The following DST variants were observed in gnomAD, a reference collection of about 807,000 sequenced individuals.
DST encodes bullous pemphigoid antigen.
In DST, 253 loss-of-function variants were observed where a neutral mutation model predicts 875.2. The observed-to-expected ratio is 0.29, with a 90% CI of 0.26 to 0.32. The LOEUF (loss-of-function observed/expected upper bound fraction) is 0.32. DST is among the 10% of genes least tolerant of loss of function. The probability of loss-of-function intolerance (pLI) is 1.00; values close to 1 mark genes in which losing one functional copy is unlikely to be tolerated. For synonymous variants in DST, 3,124 were observed against 3,197.1 expected (o/e 0.98, Z 0.77); for missense variants, 8,287 against 9,111.6 (o/e 0.91, Z 3.68).
At chr6:56,921,756 G>A (rs970544921) in intron 2 of DST, among the ~76,000 whole-genome samples, 1 of 151,130 alleles carries the variant, frequency 6.6e-6, no homozygotes, top group Non-Finnish European at 1.5e-5. Context: ...TTCACTGGTG[G>A]GGGTGCAATC....
chr6:56,670,897 C>G (rs778259217), intron 9 of DST, 90 bp from the exon 10 acceptor site: 14 of 742,318 alleles, frequency 1.9e-5, no homozygotes, highest in Non-Finnish European at 2.2e-5. Flanking sequence ...TTTCCAAAAT[C>G]TAAGATTAGG....
chr6:56,619,938 G>A lies in DST; in HGVS notation c.4929+4592C>T, dbSNP rs770035646. On this transcript the variant is annotated intron_variant, in intron 36 of 103. Transcript: ENST00000680361. ...GCAGCTGTTAGTTCATCTACCTGCT[G>A]TTTGAGTTCTTCTGCTTTCTGCTTG... The A allele has an allele frequency of 3.7e-6, 6 of 1,614,102 alleles. No individual in the cohort carries two copies. The South Asian group carries it at 4.4e-5, about 12-fold the overall frequency.
At chr6:56,674,131 G>C (rs1329982100) in intron 9 of DST, among the ~76,000 whole-genome samples, 4 of 152,088 alleles carry the variant, frequency 2.6e-5, no homozygotes, top group Non-Finnish European at 5.9e-5. Flanking sequence ...TTCACATTCA[G>C]GTCAGATTCT....
chr6:56,515,546 A>G lies in DST; in HGVS notation c.18480T>C (p.Leu6160=), dbSNP rs2096571100. 1 of 1,613,882 alleles carries G rather than the reference A, an allele frequency of 6.2e-7. No individual in the cohort carries two copies. The highest frequency in any genetic ancestry group is 1.1e-5 in the South Asian group (1 of 91,070). Reference sequence around the variant, plus strand: ...ATTGTGTTTCTGTCAGCCATGGCCAAAGTTCTTCATATGTTTCCCAGAATT... The same window carrying G: ...ATTGTGTTTCTGTCAGCCATGGCCAGAGTTCTTCATATGTTTCCCAGAATT... The part of the protein sequence containing the change: ...VNQFWETYEE[L]WPWLTETQSI... The change falls in exon 72 of 104, where the codon CTT becomes CTC. Residue 6160 remains leucine, a synonymous_variant. Coordinates refer to ENST00000680361, the MANE Select transcript of DST (RefSeq NM_001374736.1).
intron 87 of DST, among the ~76,000 whole-genome samples, chr6:56,486,362 CAAAAAAAAA>C (rs61164880): frequency 2.9e-5 from 1 of 34,042 alleles, no homozygotes; most frequent in Admixed American, 3.9e-4. Context: ...GACTCCGTCT[CAAAAAAAAA>C]AAAAAAAAAA....
At chr6:56,873,819 A>G (rs1778448707) in intron 3 of DST, among the ~76,000 whole-genome samples, 1 of 152,208 alleles carries the variant, frequency 6.6e-6, no homozygotes, top group Non-Finnish European at 1.5e-5. Flanking sequence ...GCTGTGGTTA[A>G]TACTTTATTG....
In DST at chr6:56,604,185, C is replaced by T. The variant is rs45498096; in HGVS notation, c.10443G>A (p.Thr3481=). The T allele has an allele frequency of 5.5e-3, 8,741 of 1,601,296 alleles. 31 individuals carry two copies. Among genetic ancestry groups the T allele is most frequent in the Non-Finnish European group, 7.0e-3 (8,231 of 1,172,790 alleles). Residue 3481 remains threonine, a synonymous_variant, in exon 40 of 104, where the codon ACG becomes ACA. Coordinates refer to ENST00000680361, the MANE Select transcript of DST (RefSeq NM_001374736.1). ...CAAGCTGCAGTGGAAGTACTTTAGA[C>T]GTAATGCCTCTTTTCTCTAGGTCAT... ...MEYDLEKRGI[T]SKVLPLQLEN...
In DST at chr6:56,553,576, C is replaced by A; in HGVS notation, c.15216G>T (p.Trp5072Cys). ...FQQMSRDFQA[W>C]LDTKKEEQNK... The stretch of plus-strand genomic sequence containing the variant: ...TTTGCTCTTCTTTCTTTGTATCCAG[C>A]CAAGCCTGAAAATCTCTAGACATTT... Residue 5072 changes from tryptophan (W) to cysteine (C), a missense_variant, in exon 61 of 104, where the codon TGG becomes TGT. Trp to Cys is a radical substitution (Grantham distance 215, BLOSUM62 -2). This residue lies in a region of DST where 1,513 missense variants were observed against 1,677.8 expected (regional missense o/e 0.90). Transcript: ENST00000680361. 1 of 1,613,812 alleles carries A rather than the reference C, an allele frequency of 6.2e-7. No homozygotes were observed. The highest frequency in any genetic ancestry group is 8.5e-7 in the Non-Finnish European group (1 of 1,179,854).
intron 56 of DST, 45 bp from the exon 57 acceptor site, chr6:56,561,594 T>G (rs1300330826): frequency 1.9e-6 from 3 of 1,567,056 alleles, no homozygotes; most frequent in Non-Finnish European, 2.6e-6. Flanking sequence ...TTCAGGACAT[T>G]TGGAGCAGAG....
In DST at chr6:56,532,367, T is replaced by C; in HGVS notation, c.17085A>G (p.Ala5695=). 6 of 1,613,646 alleles carry C rather than the reference T, an allele frequency of 3.7e-6. No individual in the cohort carries two copies. Among genetic ancestry groups the C allele is most frequent in the Non-Finnish European group, 5.1e-6 (6 of 1,179,676 alleles). The part of the protein sequence containing the change: ...QLSLLDSRWE[A]LLNKAETRNR... ...ACCTTGTTTCAGCTTTATTAAGCAATGCCTCCCATCTGCTATCCAAGAGAC... is the reference window on the plus strand; with the variant it reads ...ACCTTGTTTCAGCTTTATTAAGCAACGCCTCCCATCTGCTATCCAAGAGAC... The change falls in exon 64 of 104, where the codon GCA becomes GCG. Residue 5695 remains alanine (A), a synonymous_variant. Coordinates refer to ENST00000680361, the MANE Select transcript of DST (RefSeq NM_001374736.1).
chr6:56,560,760 T>C (rs1462673745), intron 57 of DST, among the ~76,000 whole-genome samples: 1 of 152,038 alleles, frequency 6.6e-6, no homozygotes, highest in East Asian at 1.9e-4. Context: ...AGAAAATCAG[T>C]CTTAATAAAG....
intron 4 of DST, among the ~76,000 whole-genome samples, chr6:56,796,103 G>A (rs991378899): frequency 3.3e-5 from 5 of 152,150 alleles, no homozygotes; most frequent in South Asian, 2.1e-4. Flanking sequence ...CATACAGAAC[G>A]AAACAGAACA....
At chr6:56,810,761 A>G (rs984854909) in intron 4 of DST, among the ~76,000 whole-genome samples, 1 of 151,934 alleles carries the variant, frequency 6.6e-6, no homozygotes, top group Non-Finnish European at 1.5e-5. Context: ...CCTGACTCCA[A>G]ATGTGTTTTA....
intron 64 of DST, among the ~76,000 whole-genome samples, chr6:56,531,579 C>G (rs2152514891): frequency 6.6e-6 from 1 of 152,232 alleles, no homozygotes; most frequent in South Asian, 2.1e-4. Flanking sequence ...CTTCACTATT[C>G]TGGTTCCAAA....
At chr6:56,803,468 T>C (rs1169269860) in intron 4 of DST, among the ~76,000 whole-genome samples, 1 of 152,244 alleles carries the variant, frequency 6.6e-6, no homozygotes, top group Admixed American at 6.5e-5. Context: ...TAGCCTTTAA[T>C]GGGACCATGT....
At chr6:56,490,580 C>A (rs1044383007) in intron 85 of DST, among the ~76,000 whole-genome samples, 52 of 152,192 alleles carry the variant, frequency 3.4e-4, no homozygotes, top group African/African-American at 1.2e-3. Context: ...ACCTTCATAT[C>A]CCTCTCACAA....
intron 95 of DST, among the ~76,000 whole-genome samples, chr6:56,470,781 AACACACACACACACACACACAC>A (rs67009040): frequency 2.8e-5 from 4 of 141,540 alleles, no homozygotes; most frequent in South Asian, 2.3e-4. Context: ...TATGCCAGGC[AACACACACACACACACACACAC>A]ACACACACAC....
intron 87 of DST, among the ~76,000 whole-genome samples, chr6:56,486,339 G>C (rs1254106950): frequency 1.4e-5 from 2 of 144,354 alleles, no homozygotes; most frequent in Non-Finnish European, 3.0e-5. Context: ...CTCCAGCCTG[G>C]GTGACAGAGC....
At chr6:56,923,208 C>T (rs1805159766) in intron 2 of DST, among the ~76,000 whole-genome samples, 1 of 151,816 alleles carries the variant, frequency 6.6e-6, no homozygotes, top group Admixed American at 6.6e-5. Flanking sequence ...ATAGGTACCT[C>T]AAAAATTCCC....
Sources: allele counts gnomAD v4.1 joint callset (sites outside exome capture counted in the v4.1 genomes callset), GRCh38; gene constraint gnomAD v4.1.1; regional missense constraint gnomAD v4.1.1; transcripts MANE v1.5; gene names NCBI Gene and HGNC (gene_info 2026-07-23, HGNC 2026-07-21).